LARP1: variants seen among roughly 807,000 people sequenced by gnomAD.
LARP1 encodes La ribonucleoprotein 1, translational regulator.
LARP1 carries 36 observed loss-of-function variants against 122.7 expected under a neutral mutation model. The observed-to-expected ratio is 0.29, with a 90% CI of 0.22 to 0.39. The LOEUF is 0.39. LARP1 is among the 10% of genes least tolerant of loss of function. The pLI is 1.00. For missense variants in LARP1, 1,040 were observed against 1,403.6 expected (o/e 0.74, Z 4.14); for synonymous variants, 539 against 528.7 (o/e 1.02, Z -0.27).
intron 14 of LARP1, chr5:154,805,195 C>A (rs762320752): frequency 6.8e-5 from 21 of 309,200 alleles, no homozygotes; most frequent in Non-Finnish European, 1.2e-4. Context: ...CTTAACAAAC[C>A]TGTACACATA....
At chr5:154,708,813 G>A (rs1234573930), upstream of LARP1, among the ~76,000 whole-genome samples, 1 of 152,146 alleles carries the variant, frequency 6.6e-6, no homozygotes, top group African/African-American at 2.4e-5. Context: ...GCTTCCCCAT[G>A]TTGGCCAGGC....
At chr5:154,746,941 C>A (rs998579700) in intron 1 of LARP1, among the ~76,000 whole-genome samples, 17 of 152,124 alleles carry the variant, frequency 1.1e-4, no homozygotes, top group African/African-American at 4.1e-4. Context: ...TTGAGACCAG[C>A]CTGACCAACA....
At chr5:154,730,869 T>G (rs1469881211) in intron 1 of LARP1, among the ~76,000 whole-genome samples, 1 of 150,114 alleles carries the variant, frequency 6.7e-6, no homozygotes. Flanking sequence ...CTGACTTTTT[T>G]TTTTTTTTTT....
At position 154,798,200 on chromosome 5, in the gene LARP1, G is replaced by A. The variant is rs139540644; in HGVS notation, c.1378-1391G>A. 2.2e-3 allele frequency among the ~76,000 whole-genome samples: 339 copies of A among 152,266 alleles called. 2 individuals are homozygous for A. Among genetic ancestry groups the A allele is most frequent in the African/African-American group, 7.6e-3 (314 of 41,542 alleles). ...TGTAAAACATTTACGTGGTTCTAGA[G>A]TCTCAGCATGGTATAGTCATAGAAG... On this transcript the variant is annotated intron_variant, in intron 8 of 18. Coordinates refer to ENST00000518297, the MANE Select transcript of LARP1 (RefSeq NM_033551.3).
chr5:154,787,176 GCTATAACTGTT>G (rs1756958789), intron 1 of LARP1, among the ~76,000 whole-genome samples: 1 of 152,200 alleles, frequency 6.6e-6, no homozygotes, highest in African/African-American at 2.4e-5. Flanking sequence ...ACCGTGTCTG[GCTATAACTGTT>G]TTCTTGACCA....
intron 1 of LARP1, among the ~76,000 whole-genome samples, chr5:154,704,954 C>G (rs567595672): frequency 6.6e-6 from 1 of 151,822 alleles, no homozygotes; most frequent in East Asian, 2.0e-4. Context: ...CCTGTCTCTA[C>G]TAAAAATACA....
intron 1 of LARP1, chr5:154,757,132 G>A (rs144382399): frequency 0.015 from 2,329 of 150,808 alleles, 29 homozygotes; most frequent in Non-Finnish European, 0.027. Flanking sequence ...GCGCGGGTGT[G>A]TGCGCGTCCC....
Position 154,817,140 on chromosome 5 carries a change from G to A in LARP1, c.*3044G>A, listed in dbSNP as rs1180012070. 6.6e-6 allele frequency: 1 copy of A among 152,072 alleles called. No individual in the cohort carries two copies. Among genetic ancestry groups the A allele is most frequent in the East Asian group, 1.9e-4 (1 of 5,194 alleles). The allele number at this position is 152,072 out of a possible 1,614,324, so 9.4% of individuals were successfully genotyped here. On this transcript the variant is annotated 3_prime_UTR_variant, in exon 19 of 19. Coordinates refer to ENST00000518297, the MANE Select transcript of LARP1 (RefSeq NM_033551.3). The stretch of plus-strand genomic sequence containing the variant: ...AAGATGACTAGTTACGGAGGGTGAG[G>A]GTTGTTTTTTGCCAAAAAGCCTGGG...
upstream of LARP1, among the ~76,000 whole-genome samples, chr5:154,710,378 G>A (rs1223816836): frequency 1.3e-5 from 2 of 152,028 alleles, no homozygotes; most frequent in African/African-American, 2.4e-5. Flanking sequence ...TTGGAAGGCC[G>A]AGGTGGGAGG....
At chr5:154,742,011 A>C (rs558044258) in intron 1 of LARP1, among the ~76,000 whole-genome samples, 1 of 152,326 alleles carries the variant, frequency 6.6e-6, no homozygotes, top group South Asian at 2.1e-4. Context: ...CTTCTAATGA[A>C]CCTAGAGATA....
intron 6 of LARP1, 49 bp from the exon 7 acceptor site, chr5:154,794,051 G>T: frequency 6.2e-7 from 1 of 1,611,560 alleles, no homozygotes; most frequent in South Asian, 1.1e-5. Flanking sequence ...TGCAGCAGGG[G>T]TGGTGGGCAG....
intron 1 of LARP1, among the ~76,000 whole-genome samples, chr5:154,734,594 T>C (rs1009953057): frequency 2.0e-5 from 3 of 152,150 alleles, no homozygotes; most frequent in Non-Finnish European, 2.9e-5. Flanking sequence ...AACCAGCTGT[T>C]TTTCAGTGAG....
intron 1 of LARP1, among the ~76,000 whole-genome samples, chr5:154,699,689 C>T (rs778401411): frequency 1.3e-5 from 2 of 152,058 alleles, no homozygotes; most frequent in Non-Finnish European, 2.9e-5. Context: ...GAGTAGTTTT[C>T]GTACTGTGTC....
intron 1 of LARP1, among the ~76,000 whole-genome samples, chr5:154,741,413 G>T (rs764081757): frequency 1.3e-5 from 2 of 152,220 alleles, no homozygotes; most frequent in Non-Finnish European, 2.9e-5. Flanking sequence ...GAGCTTGCAC[G>T]TTAGTGGAGG....
intron 1 of LARP1, among the ~76,000 whole-genome samples, chr5:154,748,142 G>A (rs1375095508): frequency 1.3e-5 from 2 of 152,140 alleles, no homozygotes; most frequent in Non-Finnish European, 2.9e-5. Flanking sequence ...GAGCCACTGT[G>A]CTCAGCCTAA....
chr5:154,761,285 G>GT (rs892323086), intron 1 of LARP1, among the ~76,000 whole-genome samples: 4 of 152,270 alleles, frequency 2.6e-5, no homozygotes, highest in African/African-American at 9.6e-5. Flanking sequence ...TTAGGAAGTG[G>GT]TTTTTGGCCC....
At chr5:154,796,258 C>T (rs1012056100) in intron 8 of LARP1, among the ~76,000 whole-genome samples, 2 of 145,848 alleles carry the variant, frequency 1.4e-5, no homozygotes, top group South Asian at 2.1e-4. Context: ...GTGGCTCACA[C>T]CTATAATCCC....
upstream of LARP1, among the ~76,000 whole-genome samples, chr5:154,708,309 G>A (rs1366489967): frequency 6.6e-6 from 1 of 152,164 alleles, no homozygotes; most frequent in Non-Finnish European, 1.5e-5. Context: ...CATAGTGGTC[G>A]TTGTCCCCTG....
At chr5:154,789,376 C>T (rs970563441) in intron 1 of LARP1, among the ~76,000 whole-genome samples, 2 of 151,824 alleles carry the variant, frequency 1.3e-5, no homozygotes, top group African/African-American at 2.4e-5. Context: ...CCCACCACCA[C>T]GCCCAGCTAA....
Sources: gnomAD v4.1 joint callset for allele counts (sites outside exome capture counted in the v4.1 genomes callset) on GRCh38, gnomAD v4.1.1 for gene constraint, MANE v1.5 for transcripts, NCBI Gene and HGNC (gene_info 2026-07-23, HGNC 2026-07-21) for gene names.